SETDB1: variants seen among roughly 807,000 people sequenced by gnomAD.
SETDB1 encodes SET domain bifurcated histone lysine methyltransferase 1.
In SETDB1, 31 loss-of-function variants were observed where a neutral mutation model predicts 137.4. The ratio of observed to expected loss-of-function variants is 0.23; its 90% CI spans 0.17 to 0.30. The LOEUF is 0.30. Ranked by LOEUF, SETDB1 falls within the 10% of genes least tolerant of loss-of-function variation. SETDB1 has a pLI of 1.00. For synonymous variants in SETDB1, 548 were observed against 579.9 expected (o/e 0.95, Z 0.79); for missense variants, 1,113 against 1,631.5 (o/e 0.68, Z 5.47).
intron 5 of SETDB1, among the ~76,000 whole-genome samples, chr1:150,941,890 C>G (rs1670169523): frequency 6.6e-6 from 1 of 151,912 alleles, no homozygotes; most frequent in African/African-American, 2.4e-5. Context: ...GCCTGTAATC[C>G]CAGCACTTTG....
At chr1:150,928,170 A>C (rs1486065856) in intron 2 of SETDB1, 196 bp downstream of exon 2, 6 of 574,068 alleles carry the variant, frequency 1.0e-5, no homozygotes, top group South Asian at 2.3e-5. Context: ...TGATTCTCCC[A>C]CCTCCCCCTC....
At position 150,927,927 on chromosome 1, in the gene SETDB1, A is replaced by C; in HGVS notation, c.213A>C (p.Lys71Asn). 1 of 1,614,248 alleles carries C rather than the reference A, an allele frequency of 6.2e-7. No individual in the cohort carries two copies. Among genetic ancestry groups the C allele is most frequent in the Non-Finnish European group, 8.5e-7 (1 of 1,180,038 alleles). Residue 71 changes from lysine to asparagine, a missense_variant, in exon 2 of 22, where the codon AAA (lysine) becomes AAC (asparagine). This residue lies in a region of SETDB1 where 159 missense variants were observed against 188.6 expected (regional missense o/e 0.84). Transcript: ENST00000692827. ...LAELETWVIQ[K>N]ESEVAHVDQL... ...AGTTAGAGACATGGGTAATACAGAA[A>C]GAATCTGAGGTGGCTCACGTTGACC...
chr1:150,963,961 T>G (rs1460240729), intron 20 of SETDB1, 34 bp from the exon 21 acceptor site: 8 of 1,595,440 alleles, frequency 5.0e-6, no homozygotes, highest in Non-Finnish European at 6.9e-6. Context: ...TCAGTTTCCC[T>G]GGTTCTTATT....
intron 7 of SETDB1, 55 bp from the exon 8 acceptor site, chr1:150,943,865 A>G: frequency 9.4e-7 from 1 of 1,060,968 alleles, no homozygotes; most frequent in Admixed American, 1.8e-5. Flanking sequence ...ATTTCTGTGG[A>G]TCATGTTAAA....
At chr1:150,949,927 G>A (rs1229577913) in intron 12 of SETDB1, among the ~76,000 whole-genome samples, 1 of 152,104 alleles carries the variant, frequency 6.6e-6, no homozygotes, top group African/African-American at 2.4e-5. Context: ...TTAGGAAAAG[G>A]TATACTGTTG....
chr1:150,959,193 C>T lies in SETDB1; in HGVS notation c.2349C>T (p.Asn783=). The T allele has an allele frequency of 6.3e-7, 1 of 1,578,878 alleles. No individual in the cohort carries two copies. The highest frequency in any genetic ancestry group is 1.7e-4 in the Middle Eastern group (1 of 5,980). ...CTCCTCCCAGGGTATATGAGTGTAA[C>T]AAACGCTGCAAATGTGACCCAAACA... is the stretch of plus-strand genomic sequence containing the variant. ...ECLPTGVYEC[N]KRCKCDPNMC... The change falls in exon 15 of 22, where the codon AAC becomes AAT. Residue 783 remains asparagine, a synonymous_variant. Transcript: ENST00000692827.
chr1:150,949,003 G>A (rs1454953000), intron 10 of SETDB1, 119 bp from the exon 11 acceptor site: 10 of 1,037,272 alleles, frequency 9.6e-6, no homozygotes, highest in Non-Finnish European at 1.4e-5. Flanking sequence ...ACAGGCAAGA[G>A]CCACTGCGCC....
At chr1:150,933,299 A>G (rs757005310) in intron 3 of SETDB1, among the ~76,000 whole-genome samples, 9 of 150,814 alleles carry the variant, frequency 6.0e-5, no homozygotes, top group African/African-American at 1.2e-4. Context: ...AGCTCAGGCA[A>G]TCCTCCTGCC....
intron 2 of SETDB1, among the ~76,000 whole-genome samples, chr1:150,929,385 A>AT (rs35486314): frequency 0.41 from 60,402 of 147,774 alleles, 14,187 homozygotes; most frequent in Non-Finnish European, 0.54. Flanking sequence ...ATTTTATTTT[A>AT]TTTTTTTTTT....
At chr1:150,931,551 T>C (rs868517330) in intron 3 of SETDB1, among the ~76,000 whole-genome samples, 10 of 150,010 alleles carry the variant, frequency 6.7e-5, no homozygotes, top group South Asian at 6.3e-4. Flanking sequence ...CACTACTACA[T>C]GTATACATAT....
chr1:150,950,415 G>A, intron 12 of SETDB1, 43 bp from the exon 13 acceptor site: 1 of 1,507,502 alleles, frequency 6.6e-7, no homozygotes. Context: ...TAAAACAGAG[G>A]TCCTGTTGCC....
intron 3 of SETDB1, among the ~76,000 whole-genome samples, chr1:150,934,821 G>T (rs1372845787): frequency 3.3e-5 from 5 of 150,960 alleles, no homozygotes; most frequent in Non-Finnish European, 5.9e-5. Context: ...CCAGGATATA[G>T]AATTTTTTTT....
intron 1 of SETDB1, among the ~76,000 whole-genome samples, chr1:150,927,229 G>A (rs766075377): frequency 1.4e-4 from 22 of 152,138 alleles, no homozygotes; most frequent in Non-Finnish European, 2.6e-4. Flanking sequence ...GGGCTCAAGC[G>A]ATCCTCCCAC....
At chr1:150,945,220 CG>C in intron 9 of SETDB1, 112 bp downstream of exon 9, 1 of 1,518,550 alleles carries the variant, frequency 6.6e-7, no homozygotes, top group Non-Finnish European at 8.9e-7. Context: ...TTCTTATCCT[CG>C]TATGTGTTCT....
rs1045216626 is a variant in SETDB1, at chr1:150,960,929, A to G, written c.2870A>G (p.His957Arg). 3 of 1,604,224 alleles carry G rather than the reference A, an allele frequency of 1.9e-6. No individual in the cohort carries two copies. The highest frequency in any genetic ancestry group is 2.2e-5 in the South Asian group (2 of 90,792). Residue 957 changes from histidine (H) to arginine (R), a missense_variant, in exon 16 of 22, where the codon CAT becomes CGT. By Grantham distance (29) the His-to-Arg change is conservative (BLOSUM62 0). This residue lies in a region of SETDB1 where 373 missense variants were observed against 412.7 expected (regional missense o/e 0.90). Coordinates refer to ENST00000692827, the MANE Select transcript of SETDB1 (RefSeq NM_001366418.1). Reference protein sequence around the residue: ...DSHPPDLGPPHIPVPPSIPVG... With the variant: ...DSHPPDLGPPRIPVPPSIPVG... ...CACCCCCCAGATCTTGGACCCCCAC[A>G]TATTCCTGTTCCTCCCTCAATCCCT...
Position 150,949,392 on chromosome 1 carries a change from T to G in SETDB1, c.1450T>G (p.Ser484Ala), listed in dbSNP as rs1166341538. The stretch of plus-strand genomic sequence containing the variant: ...AAGCTTGGAAAGCCAGCTTGCCCAG[T>G]CACGGAAGCAGGTAGCCAAAAAGAG... ...SESLESQLAQSRKQVAKKSTS... is the reference protein window; with the variant it reads ...SESLESQLAQARKQVAKKSTS... The change falls in exon 12 of 22, where the codon TCA (serine) becomes GCA (alanine). Residue 484 changes from serine to alanine, a missense_variant. Physicochemically the swap from Ser to Ala is moderately conservative, Grantham distance 99. This residue lies in a region of SETDB1 where 192 missense variants were observed against 198.1 expected (regional missense o/e 0.97). Transcript: ENST00000692827. 2 of 1,614,218 alleles carry G rather than the reference T, an allele frequency of 1.2e-6. No individual in the cohort carries two copies. The highest frequency in any genetic ancestry group is 3.3e-5 in the Admixed American group (2 of 60,020).
intron 10 of SETDB1, among the ~76,000 whole-genome samples, chr1:150,947,996 C>T (rs1670378661): frequency 6.6e-6 from 1 of 151,430 alleles, no homozygotes; most frequent in Admixed American, 6.6e-5. Context: ...CTTTGGGAGG[C>T]TGAGGTGGGA....
intron 4 of SETDB1, 43 bp from the exon 5 acceptor site, chr1:150,941,286 G>A: frequency 2.8e-6 from 3 of 1,088,010 alleles, no homozygotes; most frequent in Non-Finnish European, 4.2e-6. Context: ...TGTAACCCAT[G>A]CTACTGTTTC....
chr1:150,927,315 C>G (rs1021365449), intron 1 of SETDB1, among the ~76,000 whole-genome samples: 24 of 152,004 alleles, frequency 1.6e-4, no homozygotes, highest in African/African-American at 5.8e-4. Context: ...TTTGTAAAGA[C>G]GAGTCTTGCC....
Sources: gnomAD v4.1 joint callset for allele counts (sites outside exome capture counted in the v4.1 genomes callset) on GRCh38, gnomAD v4.1.1 for gene constraint, gnomAD v4.1.1 regional missense constraint, MANE v1.5 for transcripts, NCBI Gene and HGNC (gene_info 2026-07-23, HGNC 2026-07-21) for gene names.